The following RNF10 variants were observed in gnomAD, a reference collection of about 807,000 sequenced individuals.
RNF10 encodes the protein E3 ubiquitin-protein ligase RNF10.
In RNF10, 38 loss-of-function variants were observed where a neutral mutation model predicts 91.4. The observed-to-expected ratio is 0.42, with a 90% CI of 0.32 to 0.54. The LOEUF (loss-of-function observed/expected upper bound fraction) is 0.54, where lower values mean the gene tolerates loss of function less well. RNF10 is among the 20% of genes least tolerant of loss of function. RNF10 has a pLI of 0.16. For synonymous variants in RNF10, 364 were observed against 366.3 expected (o/e 0.99, Z 0.07); for missense variants, 945 against 1,012.0 (o/e 0.93, Z 0.90).
intron 3 of RNF10, 139 bp downstream of exon 3, chr12:120,552,837 C>A: frequency 1.4e-6 from 1 of 714,372 alleles, no homozygotes; most frequent in Non-Finnish European, 2.3e-6. Flanking sequence ...CTGTTCACCA[C>A]TGCCCCGCCC....
chr12:120,569,916 AGTCT>A (rs1876361696), intron 13 of RNF10, among the ~76,000 whole-genome samples: 1 of 151,532 alleles, frequency 6.6e-6, no homozygotes, highest in African/African-American at 2.4e-5. Context: ...TTTTGGATGG[AGTCT>A]GTCTCTCTGT....
chr12:120,574,082 G>C (rs1428960770), intron 14 of RNF10, among the ~76,000 whole-genome samples: 2 of 152,220 alleles, frequency 1.3e-5, no homozygotes, highest in Non-Finnish European at 2.9e-5. Flanking sequence ...TTGGGGATCA[G>C]ATTTTAACAT....
intron 14 of RNF10, chr12:120,575,365 CT>C (rs1786500775): frequency 9.5e-6 from 4 of 420,828 alleles, no homozygotes; most frequent in South Asian, 6.6e-5. Flanking sequence ...GTAAGAATCT[CT>C]TGTGCCTTCT....
intron 6 of RNF10, among the ~76,000 whole-genome samples, chr12:120,559,531 C>T (rs1357495780): frequency 2.0e-5 from 3 of 151,838 alleles, no homozygotes; most frequent in African/African-American, 4.8e-5. Flanking sequence ...ATTACAGGCA[C>T]GCACCACCAC....
rs749381533 is a variant in RNF10 at position 120,566,900 on chromosome 12, C to G, written c.1961C>G (p.Ser654Cys). 1.2e-6 allele frequency: 2 copies of G among 1,614,012 alleles called. No homozygotes were observed. Among genetic ancestry groups the G allele is most frequent in the Non-Finnish European group, 1.7e-6 (2 of 1,179,926 alleles). The part of the protein sequence containing the change: ...AFNSYTCSSD[S>C]ALGPTSTEGH... ...AATTCTTATACCTGCTCCTCTGATT[C>G]TGCTTTGGGTCCCACCAGCACCGAG... Residue 654 changes from serine (S) to cysteine (C), a missense_variant, in exon 13 of 17, where the codon TCT becomes TGT. Coordinates refer to ENST00000325954, the MANE Select transcript of RNF10 (RefSeq NM_014868.5).
At chr12:120,574,507 T>G in intron 14 of RNF10, 1 of 456,100 alleles carries the variant, frequency 2.2e-6, no homozygotes, top group Non-Finnish European at 4.4e-6. Flanking sequence ...AAGTTAATGA[T>G]GAAGGAGCTA....
intron 14 of RNF10, chr12:120,574,697 G>A (rs879742013): frequency 8.5e-6 from 3 of 354,358 alleles, no homozygotes; most frequent in East Asian, 7.7e-5. Context: ...AGGCCAAGGC[G>A]GGCAGATCAC....
At chr12:120,568,111 A>G (rs1368103340) in intron 13 of RNF10, among the ~76,000 whole-genome samples, 2 of 151,604 alleles carry the variant, frequency 1.3e-5, no homozygotes, top group African/African-American at 4.8e-5. Context: ...CAGGTGTGGT[A>G]GTGTGTACCT....
At chr12:120,567,734 A>C (rs1875977498) in intron 13 of RNF10, among the ~76,000 whole-genome samples, 1 of 151,666 alleles carries the variant, frequency 6.6e-6, no homozygotes, top group Non-Finnish European at 1.5e-5. Flanking sequence ...CCTGTTAAAG[A>C]AGGGAATGTA....
rs779493764 is a variant in RNF10 at position 120,563,061 on chromosome 12, A to C, written c.1245A>C (p.Gln415His). ...CCTTGGCGAAGGAGTCTGTTTTTCA[A>C]CCCAGGAAGGTTAGTGTGTTCCTGT... ...MAPLAKESVF[Q>H]PRKGVLEYLS... The change falls in exon 8 of 17, where the codon CAA becomes CAC. Residue 415 changes from glutamine to histidine, a missense_variant. By Grantham distance (24) the Gln-to-His change is conservative. Transcript: ENST00000325954. The C allele has an allele frequency of 1.2e-6, 2 of 1,614,036 alleles. No individual in the cohort carries two copies. The highest frequency in any genetic ancestry group is 2.2e-5 in the South Asian group (2 of 91,060).
chr12:120,563,949 G>A lies in RNF10; in HGVS notation c.1665+6G>A, dbSNP rs1211525854. The A allele has an allele frequency of 1.2e-6, 2 of 1,614,090 alleles. No homozygotes were observed. Among genetic ancestry groups the A allele is most frequent in the South Asian group, 1.1e-5 (1 of 91,068 alleles). Reference sequence around the variant, plus strand: ...CTGGCTACTCCATGTCTGAGGTGAGGCCTTCCTGTAGAAATGGAGGGTCAG... The same window carrying A: ...CTGGCTACTCCATGTCTGAGGTGAGACCTTCCTGTAGAAATGGAGGGTCAG... On this transcript the variant is annotated splice_donor_region_variant and intron_variant, in intron 10 of 16. Coordinates refer to ENST00000325954, the MANE Select transcript of RNF10 (RefSeq NM_014868.5).
At position 120,559,916 on chromosome 12, in the gene RNF10, C is replaced by T. The variant is rs569301678; in HGVS notation, c.968-810C>T. ...ATCTCTATGTTGGCCAGGCTGGTTT[C>T]GAACTCCTAACTTCAGGTGATCCAC... On this transcript the variant is annotated intron_variant, in intron 6 of 16. Coordinates refer to ENST00000325954, the MANE Select transcript of RNF10 (RefSeq NM_014868.5). 9.1e-4 allele frequency among the ~76,000 whole-genome samples: 138 copies of T among 151,848 alleles called. 1 individual carries two copies. The highest frequency in any genetic ancestry group is 3.1e-3 in the African/African-American group (128 of 41,386).
intron 13 of RNF10, among the ~76,000 whole-genome samples, chr12:120,569,817 C>T (rs1876347600): frequency 6.6e-6 from 1 of 151,976 alleles, no homozygotes; most frequent in Non-Finnish European, 1.5e-5. Flanking sequence ...GGATTATAGG[C>T]CTGAGCCACT....
intron 14 of RNF10, chr12:120,574,449 G>T (rs1267885634): frequency 6.6e-6 from 3 of 456,066 alleles, no homozygotes; most frequent in Middle Eastern, 3.3e-4. Flanking sequence ...GGATTGTTCT[G>T]ATTTTATTGT....
intron 1 of RNF10, among the ~76,000 whole-genome samples, chr12:120,544,273 A>G (rs11065156): frequency 0.014 from 2,187 of 151,794 alleles, 22 homozygotes; most frequent in South Asian, 0.045. Flanking sequence ...CTTTAATCCT[A>G]ACAGTTTGGA....
chr12:120,543,574 G>A (rs1223475387), intron 1 of RNF10, among the ~76,000 whole-genome samples: 1 of 151,976 alleles, frequency 6.6e-6, no homozygotes, highest in African/African-American at 2.4e-5. Flanking sequence ...GGCTGAGGCT[G>A]GTGGATCGCT....
At chr12:120,535,714 G>T (rs964625115) in intron 1 of RNF10, among the ~76,000 whole-genome samples, 4 of 152,198 alleles carry the variant, frequency 2.6e-5, no homozygotes, top group Admixed American at 1.3e-4. Flanking sequence ...CTATAGGATT[G>T]TCCTTTAACA....
intron 6 of RNF10, among the ~76,000 whole-genome samples, chr12:120,557,913 C>T (rs1850402926): frequency 6.6e-6 from 1 of 152,114 alleles, no homozygotes. Context: ...GGTTTTATTA[C>T]ATAGTGTCTT....
chr12:120,552,271 A>G (rs1447310622), intron 2 of RNF10, among the ~76,000 whole-genome samples: 4 of 151,740 alleles, frequency 2.6e-5, no homozygotes, highest in Non-Finnish European at 5.9e-5. Flanking sequence ...TTAATCCCAC[A>G]CGCCTGTAAT....
Sources: gnomAD v4.1 joint callset for allele counts (sites outside exome capture counted in the v4.1 genomes callset) on GRCh38, gnomAD v4.1.1 for gene constraint, MANE v1.5 for transcripts, NCBI Gene and HGNC (gene_info 2026-07-23, HGNC 2026-07-21) for gene names.